Variants in SVIL observed in about 807,000 individuals in gnomAD.
SVIL encodes the protein supervillin, also known as archvillin.
Under a neutral mutation model 240.4 loss-of-function variants are expected in SVIL, and 101 were observed. That is an observed-to-expected ratio of 0.42 (90% CI 0.36 to 0.50). SVIL has a LOEUF of 0.50. Ranked by LOEUF, SVIL falls within the 20% of genes least tolerant of loss-of-function variation. The probability of loss-of-function intolerance (pLI) is 0.01; values close to 1 mark genes in which losing one functional copy is unlikely to be tolerated. For synonymous variants in SVIL, 999 were observed against 1,100.0 expected (o/e 0.91, Z 1.82); for missense variants, 2,512 against 2,818.7 (o/e 0.89, Z 2.46).
chr10:29,497,303 G>A (rs927406004), intron 18 of SVIL, among the ~76,000 whole-genome samples: 11 of 152,222 alleles, frequency 7.2e-5, no homozygotes, highest in Admixed American at 2.6e-4. Flanking sequence ...ATGACAAGAT[G>A]TTAAGAACAA....
intron 1 of SVIL, among the ~76,000 whole-genome samples, chr10:29,633,705 T>C (rs566457466): frequency 4.5e-4 from 69 of 152,262 alleles, no homozygotes; most frequent in African/African-American, 1.5e-3. Flanking sequence ...ATAAGCCTTC[T>C]ATGTTCTAGA....
In SVIL at chr10:29,555,108, A is replaced by G; in HGVS notation, c.-50T>C. On this transcript the variant is annotated splice_region_variant and 5_prime_UTR_variant, in exon 4 of 38. Coordinates refer to ENST00000355867, the MANE Select transcript of SVIL (RefSeq NM_021738.3). Reference sequence around the variant, plus strand: ...TTCAAAGATTTGTCTTAATTCTGCAACTGGAAGAAAACCAAAAAAGAACAA... The same window carrying G: ...TTCAAAGATTTGTCTTAATTCTGCAGCTGGAAGAAAACCAAAAAAGAACAA... 6.2e-7 allele frequency: 1 copy of G among 1,605,400 alleles called. No homozygotes were observed. Among genetic ancestry groups the G allele is most frequent in the Non-Finnish European group, 8.5e-7 (1 of 1,177,636 alleles).
intron 2 of SVIL, among the ~76,000 whole-genome samples, chr10:29,685,808 T>G (rs1961024709): frequency 6.6e-6 from 1 of 152,174 alleles, no homozygotes; most frequent in South Asian, 2.1e-4. Context: ...CTTTCCATCA[T>G]GATCTGAACT....
chr10:29,512,996 A>G (rs2132491922), intron 16 of SVIL, 135 bp from the exon 17 acceptor site: 1 of 1,301,608 alleles, frequency 7.7e-7, no homozygotes, highest in Non-Finnish European at 1.0e-6. Context: ...TTTGAATTTC[A>G]TTTATTCGGA....
intron 2 of SVIL, among the ~76,000 whole-genome samples, chr10:29,677,914 G>T (rs1279476078): frequency 6.6e-6 from 1 of 152,132 alleles, no homozygotes; most frequent in Non-Finnish European, 1.5e-5. Flanking sequence ...CAAGCAGGAA[G>T]CCACCCCAGC....
intron 36 of SVIL, among the ~76,000 whole-genome samples, chr10:29,460,393 A>G (rs1944106196): frequency 6.6e-6 from 1 of 152,142 alleles, no homozygotes; most frequent in African/African-American, 2.4e-5. Context: ...AGGCCTGCAC[A>G]ACAGTAAATG....
chr10:29,550,183 A>G (rs1718004968), intron 6 of SVIL, among the ~76,000 whole-genome samples: 1 of 152,012 alleles, frequency 6.6e-6, no homozygotes, highest in Admixed American at 6.5e-5. Flanking sequence ...CATGCCTGTA[A>G]TCCCAGTGCA....
chr10:29,717,751 G>C (rs1307867718), intron 1 of SVIL, among the ~76,000 whole-genome samples: 2 of 152,238 alleles, frequency 1.3e-5, no homozygotes, highest in African/African-American at 4.8e-5. Flanking sequence ...GAATATCGTG[G>C]AGAATGATTT....
chr10:29,494,276 G>A (rs1291650461), intron 20 of SVIL, among the ~76,000 whole-genome samples: 2 of 152,218 alleles, frequency 1.3e-5, no homozygotes, highest in Non-Finnish European at 2.9e-5. Context: ...TAATAAATGC[G>A]TTGCTGACTG....
chr10:29,577,961 G>T (rs1467362009), intron 1 of SVIL, among the ~76,000 whole-genome samples: 3 of 152,084 alleles, frequency 2.0e-5, no homozygotes, highest in Admixed American at 1.3e-4. Context: ...AATTAATATT[G>T]TTAAAGTTAA....
rs2281946 is a variant in SVIL at position 29,473,330 on chromosome 10, T to C, written c.5529+508A>G. On this transcript the variant is annotated intron_variant, in intron 30 of 37. Coordinates refer to ENST00000355867, the MANE Select transcript of SVIL (RefSeq NM_021738.3). ...TTACATTCACCTGATACTTCCTTCA[T>C]GTAGATTCGTGTACATGGAACAAGT... is the stretch of plus-strand genomic sequence containing the variant. 4.6e-5 allele frequency among the ~76,000 whole-genome samples: 7 copies of C among 152,168 alleles called. No individual in the cohort carries two copies. The East Asian group carries it at 9.7e-4, about 21-fold the overall frequency.
rs986377784 is a variant in SVIL, at chr10:29,471,118, C to T, written c.5635+20G>A. 32 of 1,603,800 alleles carry T rather than the reference C, an allele frequency of 2.0e-5. No individual in the cohort carries two copies. Among genetic ancestry groups the T allele is most frequent in the Non-Finnish European group, 2.6e-5 (30 of 1,173,668 alleles). On this transcript the variant is annotated intron_variant, in intron 31 of 37. Transcript: ENST00000355867. Reference sequence around the variant, plus strand: ...GAGAGGGAAAGGCAAAGTCGAATTCCAGCAGTAAAAGTGACTTACTTTGCA... The same window carrying T: ...GAGAGGGAAAGGCAAAGTCGAATTCTAGCAGTAAAAGTGACTTACTTTGCA...
At chr10:29,596,579 TG>T (rs1487206907) in intron 1 of SVIL, among the ~76,000 whole-genome samples, 18 of 151,610 alleles carry the variant, frequency 1.2e-4, no homozygotes, top group African/African-American at 4.1e-4. Flanking sequence ...AATGTGGGGG[TG>T]GGGGATGATG....
rs151001379 is a variant in SVIL, at chr10:29,679,802, G to A, written c.-301+6751C>T. Among the ~76,000 whole-genome samples, 314 of 150,982 alleles carry A rather than the reference G, an allele frequency of 2.1e-3. 1 individual carries two copies. Among genetic ancestry groups the A allele is most frequent in the African/African-American group, 7.3e-3 (298 of 41,086 alleles). On this transcript the variant is annotated intron_variant, in intron 2 of 35. Coordinates refer to the SVIL transcript ENST00000375400. ...TCCAGTTCCACCTTTACAGAAGTTC[G>A]TTTACAGAAGCCCGAGCTACACCAT...
chr10:29,486,775 C>T (rs1483189012), intron 24 of SVIL, among the ~76,000 whole-genome samples: 1 of 152,222 alleles, frequency 6.6e-6, no homozygotes, highest in South Asian at 2.1e-4. Context: ...AGTTCTCCAT[C>T]TTCAATAGGT....
At chr10:29,528,578 A>C (rs1400612699) in intron 12 of SVIL, among the ~76,000 whole-genome samples, 1 of 151,950 alleles carries the variant, frequency 6.6e-6, no homozygotes, top group Admixed American at 6.6e-5. Flanking sequence ...ATCACCACAA[A>C]AAATACAAAA....
chr10:29,590,412 A>G (rs558353540), intron 1 of SVIL, among the ~76,000 whole-genome samples: 45 of 152,318 alleles, frequency 3.0e-4, no homozygotes, highest in African/African-American at 9.9e-4. Context: ...AAGCAGAACT[A>G]GAACCACTGC....
chr10:29,672,170 A>G (rs1148213), intron 2 of SVIL, among the ~76,000 whole-genome samples: 112,518 of 152,194 alleles, frequency 0.74, 42,204 homozygotes, highest in African/African-American at 0.87. Flanking sequence ...TGCCAATAAA[A>G]TTTTATTCGA....
chr10:29,579,827 G>A (rs796292082), intron 1 of SVIL, among the ~76,000 whole-genome samples: 2 of 152,262 alleles, frequency 1.3e-5, no homozygotes, highest in Admixed American at 6.5e-5. Context: ...ACTGCAGCCA[G>A]CCATTTCCCA....
Sources: allele counts gnomAD v4.1 joint callset (sites outside exome capture counted in the v4.1 genomes callset), GRCh38; gene constraint gnomAD v4.1.1; transcripts MANE v1.5; gene names NCBI Gene and HGNC (gene_info 2026-07-23, HGNC 2026-07-21).